Variants in NBPF20 observed in about 807,000 individuals in gnomAD.
The protein encoded by NBPF20 is NBPF family member NBPF20.
A neutral mutation model predicts 68.1 loss-of-function variants in NBPF20; 90 were observed. The ratio of observed to expected loss-of-function variants is 1.32; its 90% CI spans 1.11 to 1.58. The LOEUF (loss-of-function observed/expected upper bound fraction) is 1.58, where lower values mean the gene tolerates loss of function less well. Ranked by LOEUF, NBPF20 falls within the 40% of genes most tolerant of loss-of-function variation. NBPF20 has a pLI of 0.00. For synonymous variants in NBPF20, 290 were observed against 228.1 expected, an observed-to-expected ratio of 1.27 and a Z score of -2.45; for missense variants, 816 against 601.2, an observed-to-expected ratio of 1.36 and a Z score of -3.74.
chr1:145,415,307 C>A, the NBPF20 span, among the ~76,000 whole-genome samples: 11 of 151,832 alleles, frequency 7.2e-5, no homozygotes, highest in Non-Finnish European at 1.2e-4. Context: ...TACAATCGGG[C>A]TTTACACCGA....
chr1:145,399,952 C>T (rs1323355919), intron 6 of NBPF20, among the ~76,000 whole-genome samples: 1 of 151,956 alleles, frequency 6.6e-6, no homozygotes, highest in African/African-American at 2.4e-5. Context: ...AGCAAGCTGA[C>T]TTAAAGGAGA....
At chr1:145,416,422 GA>G in the NBPF20 span, among the ~76,000 whole-genome samples, 1 of 134,574 alleles carries the variant, frequency 7.4e-6, no homozygotes, top group Non-Finnish European at 1.6e-5. Flanking sequence ...CCAAACACAG[GA>G]AAATGTAAAT....
chr1:145,409,754 T>C (rs1287187175), upstream of NBPF20, among the ~76,000 whole-genome samples: 3 of 151,946 alleles, frequency 2.0e-5, no homozygotes, highest in Admixed American at 6.6e-5. Flanking sequence ...TCTTCAGGAC[T>C]CAGACTTATA....
chr1:145,393,469 A>ACC (rs1251826725), intron 9 of NBPF20, among the ~76,000 whole-genome samples: 5 of 144,430 alleles, frequency 3.5e-5, no homozygotes, highest in African/African-American at 1.2e-4. Context: ...ACACACACAC[A>ACC]CACACACACA....
exon 138 of NBPF20, chr1:145,290,350 T>G (rs1553656985): frequency 6.7e-6 from 1 of 149,478 alleles, no homozygotes; most frequent in Admixed American, 6.6e-5. Context: ...AGTCCTGATA[T>G]CATAATGGTG....
intron 7 of NBPF20, among the ~76,000 whole-genome samples, chr1:145,397,594 T>C (rs1260044626): frequency 1.3e-5 from 2 of 152,054 alleles, no homozygotes; most frequent in African/African-American, 4.8e-5. Flanking sequence ...GCAGTAAACA[T>C]GGAAAGGAAC....
the NBPF20 span, among the ~76,000 whole-genome samples, chr1:145,424,623 T>C: frequency 2.0e-5 from 3 of 151,982 alleles, no homozygotes; most frequent in African/African-American, 7.3e-5. Context: ...CAGCAAAAGA[T>C]AGGAGGAAAG....
chr1:145,291,734 T>A lies in NBPF20; in HGVS notation c.16733A>T (p.Glu5578Val), dbSNP rs782282072. The A allele has an allele frequency of 2.5e-6, 4 of 1,611,838 alleles. No homozygotes were observed. The Admixed American group carries it at 5.0e-5, about 20-fold the overall frequency. ...TCCATCCAGTGAGTCCTGTAAGACT[T>A]CAGGCTCTTCCACTTCCATCAGCAC... The change falls in exon 138 of 138, where the codon GAA (glutamate) becomes GTA (valine). Residue 5578 changes from glutamate to valine, a missense_variant. Physicochemically the swap from Glu to Val is moderately radical, Grantham distance 121 (BLOSUM62 -2). Coordinates refer to ENST00000369373, the Ensembl canonical transcript of NBPF20.
chr1:145,410,049 G>A (rs1418075481), upstream of NBPF20, among the ~76,000 whole-genome samples: 1 of 151,984 alleles, frequency 6.6e-6, no homozygotes, highest in African/African-American at 2.4e-5. Context: ...AAATTCCTAG[G>A]AATGGAATGA....
intron 9 of NBPF20, chr1:145,393,641 G>A (rs1163267276): frequency 9.8e-7 from 1 of 1,019,186 alleles, no homozygotes; most frequent in Non-Finnish European, 1.4e-6. Context: ...TTTCCCTGCA[G>A]TTACCATGAG....
Position 145,390,351 on chromosome 1 carries a change from C to CACACAG in NBPF20, c.1494-241_1494-236dup, listed in dbSNP as rs1661945619. The stretch of plus-strand genomic sequence containing the variant: ...ACACACACACACACACACAGACACA[C>CACACAG]ACACAGACACACACACACACAGAGA... On this transcript the variant is annotated intron_variant, in intron 13 of 137. Transcript: ENST00000369373. Among the ~76,000 whole-genome samples, 3 of 65,394 alleles carry CACACAG rather than the reference C, an allele frequency of 4.6e-5. No homozygotes were observed. The South Asian group carries it at 1.9e-3, about 41-fold the overall frequency. 42.9% of individuals were successfully genotyped at this position (65,394 alleles called of 152,430 possible). A position where few individuals can be genotyped will look rare whatever the true frequency, so the allele number is the denominator to read the frequency against.
At chr1:145,400,091 C>T (rs1395761796) in intron 6 of NBPF20, among the ~76,000 whole-genome samples, 4 of 152,172 alleles carry the variant, frequency 2.6e-5, no homozygotes, top group African/African-American at 7.2e-5. Flanking sequence ...GACTTAATCA[C>T]AGATGACAAG....
chr1:145,411,207 A>T, the NBPF20 span, among the ~76,000 whole-genome samples: 3 of 145,884 alleles, frequency 2.1e-5, no homozygotes, highest in East Asian at 6.0e-4. Flanking sequence ...TTTTTATTAG[A>T]ATTGCATTGG....
chr1:145,402,107 AG>A, intron 4 of NBPF20, 59 bp downstream of exon 9: 2 of 1,156,694 alleles, frequency 1.7e-6, no homozygotes, highest in Admixed American at 1.8e-5. Context: ...GAAAGTATGG[AG>A]GTCTGGAGTC....
the NBPF20 span, among the ~76,000 whole-genome samples, chr1:145,423,818 A>G: frequency 1.3e-5 from 2 of 152,138 alleles, no homozygotes; most frequent in African/African-American, 2.4e-5. Context: ...AAATGGTACA[A>G]TCACTTTGGG....
chr1:145,405,876 A>G (rs1662753715), upstream of NBPF20: 1 of 191,976 alleles, frequency 5.2e-6, no homozygotes, highest in Non-Finnish European at 1.1e-5. Context: ...GAAGTCATAA[A>G]TAAAAAAATG....
At chr1:145,425,403 C>CGGCAGCCG in the NBPF20 span, among the ~76,000 whole-genome samples, 1 of 152,148 alleles carries the variant, frequency 6.6e-6, no homozygotes, top group Non-Finnish European at 1.5e-5. Context: ...CCCATCCAGA[C>CGGCAGCCG]GGCAGCCGCG....
At chr1:145,393,436 C>T (rs1448896450) in intron 9 of NBPF20, among the ~76,000 whole-genome samples, 190 bp from the exon 15 acceptor site, 7 of 137,786 alleles carry the variant, frequency 5.1e-5, no homozygotes, top group Non-Finnish European at 9.3e-5. Flanking sequence ...AAGAGAGAGA[C>T]ACACACTCAC....
the NBPF20 span, among the ~76,000 whole-genome samples, chr1:145,415,353 T>A: frequency 6.6e-6 from 1 of 151,566 alleles, no homozygotes; most frequent in Non-Finnish European, 1.5e-5. Context: ...CGGAGACAGA[T>A]GCCTTCCTCT....
Sources: gnomAD v4.1 joint callset for allele counts (sites outside exome capture counted in the v4.1 genomes callset) on GRCh38, gnomAD v4.1.1 for gene constraint, MANE v1.5 for transcripts, NCBI Gene and HGNC (gene_info 2026-07-23, HGNC 2026-07-21) for gene names.